MACF1: variants seen among roughly 807,000 people sequenced by gnomAD.
MACF1 encodes microtubule actin crosslinking factor 1.
A neutral mutation model predicts 854.8 loss-of-function variants in MACF1; 193 were observed. That is an observed-to-expected ratio of 0.23 (90% CI 0.20 to 0.25). The LOEUF (loss-of-function observed/expected upper bound fraction) is 0.25. Among genes scored for constraint, MACF1 ranks in the 10% least tolerant of loss-of-function variants. The pLI, the probability that MACF1 is intolerant of heterozygous loss-of-function variation, is 1.00. For synonymous variants in MACF1, 3,185 were observed against 3,226.7 expected (o/e 0.99, Z 0.44); for missense variants, 7,722 against 8,929.1 (o/e 0.86, Z 5.45).
chr1:39,170,613 A>C (rs1643935588), intron 2 of MACF1, among the ~76,000 whole-genome samples: 1 of 152,250 alleles, frequency 6.6e-6, no homozygotes, highest in South Asian at 2.1e-4. Context: ...TGAAACGACT[A>C]TTATAGGAAA....
rs1650164652 is a variant in MACF1, at chr1:39,381,232, T to A, written c.13649-721T>A. Among the ~76,000 whole-genome samples the A allele has an allele frequency of 3.3e-5, 5 of 152,120 alleles. No homozygotes were observed. In the South Asian group the frequency reaches 1.0e-3, roughly 32 times the overall value. On this transcript the variant is annotated intron_variant, in intron 55 of 100. Transcript: ENST00000564288. Reference sequence around the variant, plus strand: ...GCCACCATGCCCGGCTAATTTTGTATTTTTAGTAGAGAGGGGGTTTCTCCA... The same window carrying A: ...GCCACCATGCCCGGCTAATTTTGTAATTTTAGTAGAGAGGGGGTTTCTCCA...
At chr1:39,240,366 A>G (rs1015829630) in intron 2 of MACF1, among the ~76,000 whole-genome samples, 5 of 151,982 alleles carry the variant, frequency 3.3e-5, no homozygotes, top group Admixed American at 2.6e-4. Context: ...CCTGGACCTG[A>G]TTTTTTAGGG....
At chr1:39,454,588 C>T (rs993055035) in intron 88 of MACF1, among the ~76,000 whole-genome samples, 3 of 152,086 alleles carry the variant, frequency 2.0e-5, no homozygotes, top group African/African-American at 7.2e-5. Context: ...GATTACCTGA[C>T]TCAGGAGTTC....
At chr1:39,167,879 A>C (rs1172669935) in intron 2 of MACF1, among the ~76,000 whole-genome samples, 1 of 99,562 alleles carries the variant, frequency 1.0e-5, no homozygotes, top group East Asian at 3.2e-4. Flanking sequence ...GTCTCAAAAA[A>C]AAAAAAAAGA....
chr1:39,413,783 C>T lies in MACF1; in HGVS notation c.15817-8591C>T, dbSNP rs367842660. The T allele has an allele frequency of 8.7e-6, 14 of 1,611,774 alleles. No individual in the cohort carries two copies. The African/African-American group carries it at 1.3e-4, about 15-fold the overall frequency. Reference sequence around the variant, plus strand: ...ACCCCCGAGGAATCTGCCTCCCCAGCTGCTGCAGTGCCCACCCCAGCAGAA... The same window carrying T: ...ACCCCCGAGGAATCTGCCTCCCCAGTTGCTGCAGTGCCCACCCCAGCAGAA... On this transcript the variant is annotated intron_variant, in intron 58 of 100. Transcript: ENST00000564288.
chr1:39,286,822 T>C (rs1645653081), intron 14 of MACF1, among the ~76,000 whole-genome samples: 1 of 152,190 alleles, frequency 6.6e-6, no homozygotes, highest in African/African-American at 2.4e-5. Flanking sequence ...TATTGTTAGC[T>C]TCCCTCCAGT....
At chr1:39,133,889 G>A (rs1643085344) in intron 2 of MACF1, among the ~76,000 whole-genome samples, 1 of 152,064 alleles carries the variant, frequency 6.6e-6, no homozygotes, top group South Asian at 2.1e-4. Context: ...ACAAAATAGG[G>A]AATTGCATGG....
Position 39,360,886 on chromosome 1 carries a change from A to G in MACF1, c.12338A>G (p.Gln4113Arg). 6.2e-7 allele frequency: 1 copy of G among 1,614,042 alleles called. No individual in the cohort carries two copies. Among genetic ancestry groups the G allele is most frequent in the Non-Finnish European group, 8.5e-7 (1 of 1,180,000 alleles). ...GCAATTGCCCAATCTCAGAGTGTCC[A>G]GGAAAGCCTGGAGAGCCTGTTGCAG... ...QKAIAQSQSV[Q>R]ESLESLLQSI... Residue 4113 changes from glutamine to arginine, a missense_variant, in exon 48 of 101, where the codon CAG (glutamine) becomes CGG (arginine). By Grantham distance (43) the Gln-to-Arg change is conservative. Coordinates refer to ENST00000564288, the MANE Select transcript of MACF1 (RefSeq NM_001394062.1).
At chr1:39,348,479 A>G (rs1358406640) in intron 41 of MACF1, among the ~76,000 whole-genome samples, 1 of 152,130 alleles carries the variant, frequency 6.6e-6, no homozygotes, top group Non-Finnish European at 1.5e-5. Flanking sequence ...ATGTGTGTGT[A>G]TGTCTCTGTG....
At chr1:39,153,551 G>A (rs1005763916) in intron 2 of MACF1, among the ~76,000 whole-genome samples, 9 of 152,180 alleles carry the variant, frequency 5.9e-5, no homozygotes, top group African/African-American at 2.2e-4. Context: ...CTCTTTTAAA[G>A]CCTCTTGTTG....
intron 93 of MACF1, among the ~76,000 whole-genome samples, chr1:39,463,286 A>G (rs2124078492): frequency 6.6e-6 from 1 of 152,280 alleles, no homozygotes; most frequent in South Asian, 2.1e-4. Flanking sequence ...CGGGAGTTCA[A>G]GGCCAGCCTG....
intron 26 of MACF1, among the ~76,000 whole-genome samples, chr1:39,313,837 A>G (rs1465327335): frequency 6.6e-6 from 1 of 151,460 alleles, no homozygotes; most frequent in African/African-American, 2.4e-5. Flanking sequence ...CTGGTCTCCA[A>G]CTCCTGGCTT....
intron 2 of MACF1, among the ~76,000 whole-genome samples, chr1:39,174,040 C>T (rs139765677): frequency 2.0e-5 from 3 of 152,074 alleles, no homozygotes; most frequent in South Asian, 4.2e-4. Flanking sequence ...GAGACTTAAT[C>T]GTGCTTTACC....
In MACF1 at chr1:39,250,065, C is replaced by G; in HGVS notation, c.223C>G (p.Leu75Val). 1 of 1,613,836 alleles carries G rather than the reference C, an allele frequency of 6.2e-7. No homozygotes were observed. The highest frequency in any genetic ancestry group is 8.5e-7 in the Non-Finnish European group (1 of 1,179,808). ...TGAAGATCTGCGGGATGGCCATAACCTGATCTCTCTGTTGGAGGTCCTCTC... is the reference window on the plus strand; with the variant it reads ...TGAAGATCTGCGGGATGGCCATAACGTGATCTCTCTGTTGGAGGTCCTCTC... ...LYEDLRDGHN[L>V]ISLLEVLSGI... The change falls in exon 3 of 101, where the codon CTG becomes GTG. Residue 75 changes from leucine (L) to valine (V), a missense_variant. Physicochemically the swap from Leu to Val is conservative, Grantham distance 32. Transcript: ENST00000564288.
intron 23 of MACF1, among the ~76,000 whole-genome samples, chr1:39,307,358 T>TG (rs1222285219): frequency 6.6e-6 from 1 of 152,098 alleles, no homozygotes; most frequent in African/African-American, 2.4e-5. Flanking sequence ...GGCTTAGAAT[T>TG]GTTTATCGTT....
In MACF1 at chr1:39,335,175, G is replaced by C. The variant is rs1197968471; in HGVS notation, c.8587G>C (p.Glu2863Gln). 1 of 1,613,806 alleles carries C rather than the reference G, an allele frequency of 6.2e-7. No homozygotes were observed. The highest frequency in any genetic ancestry group is 1.3e-5 in the African/African-American group (1 of 74,888). ...GCCAAGAATGTCTTCAGATGCTAAA[G>C]AATTTATCAGTATCATAAATCCTCA... ...RKPRMSSDAK[E>Q]FISIINPHNL... The change falls in exon 37 of 101, where the codon GAA becomes CAA. Residue 2863 changes from glutamate to glutamine, a missense_variant. By Grantham distance (29) the Glu-to-Gln change is conservative. This residue lies in a region of MACF1 where 854 missense variants were observed against 852.6 expected (regional missense o/e 1.00). Transcript: ENST00000564288.
rs1188839648 is a variant in MACF1, at chr1:39,360,012, AATATATAT to A, written c.12245-747_12245-740del. On this transcript the variant is annotated intron_variant, in intron 47 of 100. Transcript: ENST00000564288. ...AAAAAAAAAAAAAAAAAAAAAAAAA[AATATATAT>A]ATATATATATATATATATATATATA... is the stretch of plus-strand genomic sequence containing the variant. Among the ~76,000 whole-genome samples, 118 of 28,788 alleles carry A rather than the reference AATATATAT, an allele frequency of 4.1e-3. 3 individuals are homozygous for A. The highest frequency in any genetic ancestry group is 0.014 in the East Asian group (15 of 1,040). The allele number at this position is 28,788 out of a possible 152,430, so 18.9% of individuals were successfully genotyped here. A position where few individuals can be genotyped will look rare whatever the true frequency, so the allele number is the denominator to read the frequency against.
chr1:39,333,568 A>T lies in MACF1; in HGVS notation c.6980A>T (p.Glu2327Val). ...VPSHTAVKLM[E>V]KLNMFQGFFD... ...AGTCACACTGCCGTGAAGCTTATGG[A>T]GAAGCTGAACATGTTTCAGGGGTTC... Residue 2327 changes from glutamate to valine, a missense_variant, in exon 37 of 101, where the codon GAG becomes GTG. Physicochemically the swap from Glu to Val is moderately radical, Grantham distance 121. Transcript: ENST00000564288. 6.2e-7 allele frequency: 1 copy of T among 1,614,238 alleles called. No individual in the cohort carries two copies. The highest frequency in any genetic ancestry group is 8.5e-7 in the Non-Finnish European group (1 of 1,180,036).
At chr1:39,475,836 C>A (rs116195355) in intron 97 of MACF1, among the ~76,000 whole-genome samples, 2,685 of 152,198 alleles carry the variant, frequency 0.018, 29 homozygotes, top group Non-Finnish European at 0.026. Flanking sequence ...GCACTGAAGC[C>A]TCAGTGGATG....
Sources: gnomAD v4.1 joint callset for allele counts (sites outside exome capture counted in the v4.1 genomes callset) on GRCh38, gnomAD v4.1.1 for gene constraint, gnomAD v4.1.1 regional missense constraint, MANE v1.5 for transcripts, NCBI Gene and HGNC (gene_info 2026-07-23, HGNC 2026-07-21) for gene names.